Variants in HOXB3 observed in about 807,000 individuals in gnomAD.
HOXB3 encodes the protein homeobox B3, also known as homeobox protein Hox-B3.
Under a neutral mutation model 29.2 loss-of-function variants are expected in HOXB3, and 17 were observed. The observed-to-expected ratio is 0.58, with a 90% CI of 0.40 to 0.87. HOXB3 has a LOEUF of 0.87. Ranked by LOEUF, HOXB3 falls within the 40% of genes least tolerant of loss-of-function variation. HOXB3 has a pLI of 0.00. For missense variants in HOXB3, 637 were observed against 616.3 expected, an observed-to-expected ratio of 1.03 and a Z score of -0.35; for synonymous variants, 317 against 285.9, an observed-to-expected ratio of 1.11 and a Z score of -1.10.
intron 1 of HOXB3, chr17:48,576,046 A>C (rs973054396): frequency 3.3e-5 from 5 of 152,202 alleles, no homozygotes; most frequent in African/African-American, 1.2e-4. Flanking sequence ...CCCCAACCCC[A>C]CGGTGGAAGT....
At chr17:48,568,659 A>T (rs1174947360) in intron 2 of HOXB3, among the ~76,000 whole-genome samples, 1 of 152,106 alleles carries the variant, frequency 6.6e-6, no homozygotes. Context: ...GCGGACACAC[A>T]CACACACAAT....
chr17:48,568,549 C>G (rs1235387517), intron 2 of HOXB3, among the ~76,000 whole-genome samples: 1 of 152,038 alleles, frequency 6.6e-6, no homozygotes, highest in Non-Finnish European at 1.5e-5. Flanking sequence ...AACAGCCCAG[C>G]TTCCACATCA....
intron 2 of HOXB3, among the ~76,000 whole-genome samples, chr17:48,569,220 G>T (rs1035563048): frequency 6.6e-6 from 1 of 152,060 alleles, no homozygotes; most frequent in African/African-American, 2.4e-5. Flanking sequence ...GTGACCGGGA[G>T]GGGGAAGGGG....
intron 2 of HOXB3, among the ~76,000 whole-genome samples, chr17:48,561,390 A>C (rs1191477198): frequency 6.6e-6 from 1 of 151,896 alleles, no homozygotes; most frequent in African/African-American, 2.4e-5. Flanking sequence ...CCTCAGGGCT[A>C]CTCCTCAGCT....
intron 2 of HOXB3, among the ~76,000 whole-genome samples, chr17:48,560,791 G>A (rs2069165436): frequency 2.6e-5 from 4 of 152,192 alleles, no homozygotes; most frequent in Admixed American, 2.6e-4. Context: ...CACCCTGTGT[G>A]TGCTTCCTCC....
chr17:48,563,464 A>C (rs542716494), intron 2 of HOXB3, among the ~76,000 whole-genome samples: 1 of 152,342 alleles, frequency 6.6e-6, no homozygotes, highest in East Asian at 1.9e-4. Flanking sequence ...ATGCACTCAC[A>C]CAATACACAA....
At chr17:48,578,142 A>G in intron 1 of HOXB3, 1 of 1,566,510 alleles carries the variant, frequency 6.4e-7, no homozygotes. Context: ...TGCACGGTGC[A>G]CGCCGCGCGC....
chr17:48,570,183 GA>G (rs2069537677), intron 2 of HOXB3, among the ~76,000 whole-genome samples: 1 of 152,132 alleles, frequency 6.6e-6, no homozygotes, highest in Non-Finnish European at 1.5e-5. Context: ...TGATCAGTGG[GA>G]AAAAGATGGG....
At chr17:48,583,715 G>C (rs7406170) in intron 1 of HOXB3, among the ~76,000 whole-genome samples, 130,915 of 152,238 alleles carry the variant, frequency 0.86, 56,670 homozygotes, top group Non-Finnish European at 0.91. Context: ...AACGTTCTGT[G>C]CTGGAACAGA....
intron 2 of HOXB3, among the ~76,000 whole-genome samples, chr17:48,559,167 C>T (rs1376443777): frequency 3.3e-5 from 5 of 152,106 alleles, no homozygotes; most frequent in African/African-American, 9.7e-5. Context: ...TACCCAGTAT[C>T]AGGCGACGGG....
chr17:48,574,101 T>TA, intron 1 of HOXB3, 87 bp from the exon 2 acceptor site: 1 of 555,172 alleles, frequency 1.8e-6, no homozygotes, highest in South Asian at 2.3e-5. Flanking sequence ...ACATTTTTCT[T>TA]AGCTCTTGTC....
At chr17:48,580,369 T>C (rs1162864733) in intron 1 of HOXB3, 1 of 147,768 alleles carries the variant, frequency 6.8e-6, no homozygotes, top group Non-Finnish European at 1.4e-5. Flanking sequence ...GGCTCCTCCG[T>C]GCCCCTCCAA....
At chr17:48,560,495 G>T (rs1175252322) in intron 2 of HOXB3, among the ~76,000 whole-genome samples, 1 of 152,020 alleles carries the variant, frequency 6.6e-6, no homozygotes, top group Non-Finnish European at 1.5e-5. Context: ...CAAAGATGAG[G>T]TTGTTTCCCA....
At chr17:48,564,023 C>T (rs1429284873) in intron 2 of HOXB3, among the ~76,000 whole-genome samples, 1 of 152,286 alleles carries the variant, frequency 6.6e-6, no homozygotes, top group South Asian at 2.1e-4. Flanking sequence ...TTCCTCCACA[C>T]TCGTCCTCCA....
chr17:48,552,426 C>T lies in HOXB3; in HGVS notation c.49G>A (p.Gly17Ser), dbSNP rs1379398467. ...YDNAAAALFG[G>S]YSSYPGSNGF... ...TTGCTGCCAGGGTACGAGGAATAGC[C>T]TCCGAAGAGAGCAGCCGCGGCGTTG... Residue 17 changes from glycine (G) to serine (S), a missense_variant, in exon 4 of 5, where the codon GGC becomes AGC. Transcript: ENST00000498678. 6.2e-7 allele frequency: 1 copy of T among 1,604,386 alleles called. No individual in the cohort carries two copies. Among genetic ancestry groups the T allele is most frequent in the African/African-American group, 1.3e-5 (1 of 74,882 alleles).
intron 1 of HOXB3, chr17:48,575,592 C>CA (rs1281653761): frequency 6.6e-6 from 1 of 152,486 alleles, no homozygotes; most frequent in Non-Finnish European, 1.5e-5. Flanking sequence ...GTTCTAGACT[C>CA]AAGCAGCCCC....
chr17:48,562,383 T>A (rs1317876871), intron 2 of HOXB3, among the ~76,000 whole-genome samples: 1 of 152,046 alleles, frequency 6.6e-6, no homozygotes, highest in Non-Finnish European at 1.5e-5. Context: ...AGGGCCAGAC[T>A]GTGTCCCTCA....
At chr17:48,569,402 G>A (rs1347763396) in intron 2 of HOXB3, among the ~76,000 whole-genome samples, 1 of 149,900 alleles carries the variant, frequency 6.7e-6, no homozygotes, top group African/African-American at 2.5e-5. Context: ...AACCCCCATG[G>A]ACACACACTT....
In HOXB3 at chr17:48,550,948, T is replaced by G; in HGVS notation, c.682A>C (p.Ser228Arg). The G allele has an allele frequency of 6.2e-7, 1 of 1,613,936 alleles. No homozygotes were observed. The highest frequency in any genetic ancestry group is 2.2e-5 in the East Asian group (1 of 44,854). The change falls in exon 5 of 5, where the codon AGC becomes CGC. Residue 228 changes from serine to arginine, a missense_variant. Ser to Arg is a moderately radical substitution (Grantham distance 110). Coordinates refer to ENST00000498678, the MANE Select transcript of HOXB3 (RefSeq NM_001384749.1). ...AACCAGATCTTGATCTGCCGCTCGCTGAGGTTCAGCAGGTTGGCCATCTCT... is the reference window on the plus strand; with the variant it reads ...AACCAGATCTTGATCTGCCGCTCGCGGAGGTTCAGCAGGTTGGCCATCTCT... ...RVEMANLLNL[S>R]ERQIKIWFQN... is the part of the protein sequence containing the mutation.
Sources: allele counts gnomAD v4.1 joint callset (sites outside exome capture counted in the v4.1 genomes callset), GRCh38; gene constraint gnomAD v4.1.1; transcripts MANE v1.5; gene names NCBI Gene and HGNC (gene_info 2026-07-23, HGNC 2026-07-21).